Variants in NRXN3 observed in about 807,000 individuals in gnomAD.
NRXN3 encodes neurexin 3, also known as neurexin III.
A neutral mutation model predicts 137.6 loss-of-function variants in NRXN3; 32 were observed. That is an observed-to-expected ratio of 0.23 (90% CI 0.18 to 0.31). NRXN3 has a LOEUF of 0.31. Ranked by LOEUF, NRXN3 falls within the 10% of genes least tolerant of loss-of-function variation. NRXN3 has a pLI of 1.00. For missense variants in NRXN3, 1,574 were observed against 2,062.5 expected, an observed-to-expected ratio of 0.76 and a Z score of 4.59; for synonymous variants, 798 against 784.5, an observed-to-expected ratio of 1.02 and a Z score of -0.29.
chr14:79,129,696 G>C (rs201690029), intron 15 of NRXN3, among the ~76,000 whole-genome samples: 8 of 103,862 alleles, frequency 7.7e-5, no homozygotes, highest in Admixed American at 4.7e-4. Flanking sequence ...TATTAGGTCC[G>C]CTTGGTGCAG....
chr14:79,854,104 A>G, intron 20 of NRXN3: 2 of 979,672 alleles, frequency 2.0e-6, no homozygotes, highest in East Asian at 1.1e-4. Flanking sequence ...AAATGACAAC[A>G]AAAAAAGCAA....
chr14:79,860,851 G>A (rs1195818888), intron 20 of NRXN3, among the ~76,000 whole-genome samples: 1 of 152,002 alleles, frequency 6.6e-6, no homozygotes, highest in Admixed American at 6.6e-5. Context: ...CCTGATCTAG[G>A]GATTTCAGGT....
intron 11 of NRXN3, among the ~76,000 whole-genome samples, chr14:78,964,563 G>A (rs2152990274): frequency 6.6e-6 from 1 of 152,252 alleles, no homozygotes; most frequent in South Asian, 2.1e-4. Context: ...TTGTTAAAGA[G>A]GAAATAAAGA....
chr14:78,874,172 A>T (rs118108754), intron 10 of NRXN3, among the ~76,000 whole-genome samples: 2,709 of 152,074 alleles, frequency 0.018, 39 homozygotes, highest in Middle Eastern at 0.048. Context: ...GGATATCACC[A>T]TGTTGGCCAG....
intron 15 of NRXN3, among the ~76,000 whole-genome samples, chr14:79,454,171 C>T (rs1291250561): frequency 6.6e-5 from 10 of 152,040 alleles, no homozygotes; most frequent in Admixed American, 6.6e-4. Flanking sequence ...GCAACCTCTG[C>T]CTCCCAGGTT....
At position 78,819,593 on chromosome 14, in the gene NRXN3, G is replaced by A. The variant is rs762886385; in HGVS notation, c.2275+9249G>A. Among the ~76,000 whole-genome samples, 135 of 152,206 alleles carry A rather than the reference G, an allele frequency of 8.9e-4. 1 individual carries two copies. Among genetic ancestry groups the A allele is most frequent in the African/African-American group, 3.2e-3 (133 of 41,542 alleles). On this transcript the variant is annotated intron_variant, in intron 10 of 20. Coordinates refer to ENST00000335750, the MANE Select transcript of NRXN3 (RefSeq NM_001330195.2). ...TTCTCATGGACACCAAATTAGGACC[G>A]TATTAGTTTCAGGCACAGTTTATAT...
At chr14:79,097,076 T>G (rs2050488275) in intron 15 of NRXN3, among the ~76,000 whole-genome samples, 1 of 152,032 alleles carries the variant, frequency 6.6e-6, no homozygotes, top group African/African-American at 2.4e-5. Context: ...GACTCATTTC[T>G]TAGCTCTTCA....
At chr14:78,393,259 A>G (rs1284771664) in intron 4 of NRXN3, among the ~76,000 whole-genome samples, 1 of 152,032 alleles carries the variant, frequency 6.6e-6, no homozygotes, top group Non-Finnish European at 1.5e-5. Context: ...GCTGTAAGAA[A>G]TAATATAGCA....
In NRXN3 at chr14:78,603,444, G is replaced by A. The variant is rs114994804; in HGVS notation, c.758-41676G>A. On this transcript the variant is annotated intron_variant, in intron 4 of 20. Transcript: ENST00000335750. ...TAAATTCCCTTTGACCGTGCCACTT[G>A]TGAAAACACAGAGCAAGTGTAGAGT... is the stretch of plus-strand genomic sequence containing the variant. Among the ~76,000 whole-genome samples, 574 of 152,310 alleles carry A rather than the reference G, an allele frequency of 3.8e-3. 4 individuals carry two copies. Among genetic ancestry groups the A allele is most frequent in the African/African-American group, 0.013 (524 of 41,558 alleles).
intron 15 of NRXN3, among the ~76,000 whole-genome samples, chr14:79,155,281 T>G (rs957606755): frequency 6.6e-6 from 1 of 151,898 alleles, no homozygotes; most frequent in African/African-American, 2.4e-5. Context: ...ATACATCACA[T>G]CTGTATTTGT....
At chr14:79,283,457 A>G (rs372641583) in intron 15 of NRXN3, among the ~76,000 whole-genome samples, 1 of 152,180 alleles carries the variant, frequency 6.6e-6, no homozygotes, top group Non-Finnish European at 1.5e-5. Flanking sequence ...GATGGAAGAA[A>G]CAGAAATCCT....
At chr14:79,779,738 G>T (rs1447343938) in intron 19 of NRXN3, among the ~76,000 whole-genome samples, 1 of 152,154 alleles carries the variant, frequency 6.6e-6, no homozygotes, top group Non-Finnish European at 1.5e-5. Context: ...TATCATTCTT[G>T]CAGTTTTCTG....
intron 14 of NRXN3, among the ~76,000 whole-genome samples, chr14:78,978,876 A>G (rs2099479868): frequency 6.6e-6 from 1 of 151,706 alleles, no homozygotes; most frequent in Non-Finnish European, 1.5e-5. Context: ...GCTGGAGAAT[A>G]AAACAGTTGG....
chr14:79,828,640 A>T (rs907978131), intron 20 of NRXN3, among the ~76,000 whole-genome samples: 4 of 106,896 alleles, frequency 3.7e-5, no homozygotes, highest in African/African-American at 1.4e-4. Context: ...AAAAAAAAAA[A>T]GTAAAATTGT....
At chr14:78,223,312 A>C (rs1315722100) in intron 1 of NRXN3, among the ~76,000 whole-genome samples, 1 of 152,060 alleles carries the variant, frequency 6.6e-6, no homozygotes, top group Non-Finnish European at 1.5e-5. Context: ...TCTAAAATGT[A>C]TGTTTTTCTT....
At chr14:79,518,026 C>T (rs2097015025) in intron 16 of NRXN3, among the ~76,000 whole-genome samples, 1 of 150,990 alleles carries the variant, frequency 6.6e-6, no homozygotes, top group South Asian at 2.1e-4. Context: ...CTGCCTCAGC[C>T]TGCTGAGTAG....
In NRXN3 at chr14:79,826,861, G is replaced by C. The variant is rs141070118; in HGVS notation, c.4093+21671G>C. On this transcript the variant is annotated intron_variant, in intron 20 of 20. Transcript: ENST00000335750. ...GAGCAAGTAAACTTCTTAAAGTCCT[G>C]CCAGGTGTGTTGGTGTAGAAGCGGG... Among the ~76,000 whole-genome samples the C allele has an allele frequency of 2.8e-3, 429 of 152,236 alleles. 1 individual carries two copies. The highest frequency in any genetic ancestry group is 0.01 in the African/African-American group (419 of 41,548).
intron 4 of NRXN3, chr14:78,526,637 A>G (rs1039251739): frequency 1.6e-5 from 6 of 379,920 alleles, no homozygotes; most frequent in African/African-American, 1.1e-4. Flanking sequence ...GCTTTATCTG[A>G]TAATAGTAAC....
At chr14:79,023,273 A>G (rs975169255) in intron 15 of NRXN3, among the ~76,000 whole-genome samples, 3 of 152,092 alleles carry the variant, frequency 2.0e-5, no homozygotes, top group African/African-American at 7.2e-5. Flanking sequence ...AACTTGCTGT[A>G]TGCCCAGTAA....
Sources: allele counts gnomAD v4.1 joint callset (sites outside exome capture counted in the v4.1 genomes callset), GRCh38; gene constraint gnomAD v4.1.1; transcripts MANE v1.5; gene names NCBI Gene and HGNC (gene_info 2026-07-23, HGNC 2026-07-21).